Variants in HEATR4 observed in about 807,000 individuals in gnomAD.
HEATR4 encodes HEAT repeat-containing protein 4.
HEATR4 carries 95 observed loss-of-function variants against 108.8 expected under a neutral mutation model. The ratio of observed to expected loss-of-function variants is 0.87; its 90% CI spans 0.74 to 1.04. HEATR4 has a LOEUF of 1.04. Ranked by LOEUF, HEATR4 falls within the 50% of genes least tolerant of loss-of-function variation. HEATR4 has a pLI of 0.00. For missense variants in HEATR4, 1,152 were observed against 1,253.8 expected (o/e 0.92, Z 1.23); for synonymous variants, 443 against 459.4 (o/e 0.96, Z 0.46).
the HEATR4 span, among the ~76,000 whole-genome samples, chr14:73,589,651 G>A: frequency 5.9e-5 from 9 of 152,110 alleles, no homozygotes; most frequent in South Asian, 8.3e-4. Flanking sequence ...CTTTTTTTAA[G>A]TAAACTGACA....
chr14:73,619,412 GA>G, the HEATR4 span: 1 of 1,614,156 alleles, frequency 6.2e-7, no homozygotes, highest in Non-Finnish European at 8.5e-7. Context: ...GATGATCTAG[GA>G]AAAGTAAAAA....
chr14:73,633,007 C>CTT, the HEATR4 span, among the ~76,000 whole-genome samples: 9,114 of 121,882 alleles, frequency 0.075, 1,248 homozygotes, highest in African/African-American at 0.26. Flanking sequence ...CTCTCTCTCT[C>CTT]TTTTTTTTTT....
the HEATR4 span, among the ~76,000 whole-genome samples, chr14:73,588,556 C>T: frequency 1.3e-5 from 2 of 152,156 alleles, no homozygotes; most frequent in Admixed American, 1.3e-4. Flanking sequence ...CATTCGATGA[C>T]AGGAGAAAAT....
chr14:73,592,026 G>T, the HEATR4 span: 1 of 1,444,744 alleles, frequency 6.9e-7, no homozygotes, highest in Non-Finnish European at 9.1e-7. Context: ...GCGCATTGCC[G>T]TGCGCGGCCT....
chr14:73,623,808 G>A, the HEATR4 span, among the ~76,000 whole-genome samples: 1 of 152,066 alleles, frequency 6.6e-6, no homozygotes, highest in Non-Finnish European at 1.5e-5. Flanking sequence ...GAGTTCCCCT[G>A]AGAGCTGGTT....
At chr14:73,614,678 C>G in the HEATR4 span, among the ~76,000 whole-genome samples, 1 of 150,194 alleles carries the variant, frequency 6.7e-6, no homozygotes, top group Non-Finnish European at 1.5e-5. Context: ...ACCCGGGAGG[C>G]TGAGGTTGCA....
At chr14:73,593,888 T>G in the HEATR4 span, 364 of 1,612,480 alleles carry the variant, frequency 2.3e-4, 3 homozygotes, top group Admixed American at 5.9e-3. Context: ...GTATGCTACA[T>G]GCTTCAACAT....
the HEATR4 span, among the ~76,000 whole-genome samples, chr14:73,608,840 G>T: frequency 6.6e-6 from 1 of 152,200 alleles, no homozygotes; most frequent in Non-Finnish European, 1.5e-5. Flanking sequence ...GGAGGCCTCA[G>T]GAAACTTACA....
intron 1 of HEATR4, chr14:73,537,935 CTG>C (rs375758117): frequency 0.032 from 29,834 of 938,472 alleles, 9 homozygotes; most frequent in East Asian, 0.054. Context: ...GCGCTTTCCA[CTG>C]TGTGTGTGTG....
chr14:73,614,061 CATG>C, the HEATR4 span, among the ~76,000 whole-genome samples: 1 of 145,468 alleles, frequency 6.9e-6, no homozygotes, highest in East Asian at 2.0e-4. Context: ...ATTAGGCAGG[CATG>C]GTGGTGCATG....
the HEATR4 span, among the ~76,000 whole-genome samples, chr14:73,630,207 T>G: frequency 6.6e-6 from 1 of 152,084 alleles, no homozygotes; most frequent in Non-Finnish European, 1.5e-5. Flanking sequence ...ACAGCCCTCC[T>G]GCACAAATAA....
At chr14:73,516,658 T>G (rs988655941) in intron 5 of HEATR4, among the ~76,000 whole-genome samples, 1 of 152,196 alleles carries the variant, frequency 6.6e-6, no homozygotes, top group African/African-American at 2.4e-5. Flanking sequence ...GCCATGGGCC[T>G]GTACCAGTTC....
the HEATR4 span, among the ~76,000 whole-genome samples, chr14:73,624,532 GA>G: frequency 6.6e-6 from 1 of 152,074 alleles, no homozygotes; most frequent in Admixed American, 6.6e-5. Flanking sequence ...AGTGTAGGAG[GA>G]CAAGGCTACA....
intron 3 of HEATR4, among the ~76,000 whole-genome samples, 170 bp from the exon 4 acceptor site, chr14:73,521,209 G>A (rs1172717587): frequency 6.6e-6 from 1 of 152,100 alleles, no homozygotes; most frequent in Non-Finnish European, 1.5e-5. Context: ...GGTGCCAGTT[G>A]AATGTGGAGC....
intron 9 of HEATR4, 24 bp downstream of exon 9, chr14:73,508,110 T>G: frequency 6.2e-7 from 1 of 1,611,188 alleles, no homozygotes; most frequent in Non-Finnish European, 8.5e-7. Context: ...CAAAACTGTG[T>G]CTGACCCGGT....
chr14:73,626,882 T>A, the HEATR4 span, among the ~76,000 whole-genome samples: 1 of 134,036 alleles, frequency 7.5e-6, no homozygotes, highest in Non-Finnish European at 1.5e-5. Flanking sequence ...CACGGCAACC[T>A]CTGCCTCCAA....
At chr14:73,620,716 T>C in the HEATR4 span, among the ~76,000 whole-genome samples, 121,729 of 151,790 alleles carry the variant, frequency 0.8, 49,654 homozygotes, top group African/African-American at 0.95. Context: ...TACAGGCTCG[T>C]GCCACCATGC....
At chr14:73,590,429 G>A in the HEATR4 span, among the ~76,000 whole-genome samples, 2 of 152,258 alleles carry the variant, frequency 1.3e-5, no homozygotes, top group Non-Finnish European at 2.9e-5. Flanking sequence ...AGTGGATGCC[G>A]CACGGGGTTC....
intron 17 of HEATR4, among the ~76,000 whole-genome samples, chr14:73,484,737 C>T (rs1885381076): frequency 6.6e-6 from 1 of 151,698 alleles, no homozygotes; most frequent in Admixed American, 6.6e-5. Flanking sequence ...AACAAATAAT[C>T]CCATTGCCCA....
Sources: allele counts gnomAD v4.1 joint callset (sites outside exome capture counted in the v4.1 genomes callset), GRCh38; gene constraint gnomAD v4.1.1; transcripts MANE v1.5; gene names NCBI Gene and HGNC (gene_info 2026-07-23, HGNC 2026-07-21).